WDPCP: variants seen among roughly 807,000 people sequenced by gnomAD.
WDPCP encodes the protein WD repeat containing planar cell polarity effector, also known as WD repeat-containing and planar cell polarity effector protein fritz homolog.
Under a neutral mutation model 93.1 loss-of-function variants are expected in WDPCP, and 71 were observed. That is an observed-to-expected ratio of 0.76 (90% CI 0.63 to 0.93). The LOEUF (loss-of-function observed/expected upper bound fraction) is 0.93. Among genes scored for constraint, WDPCP ranks in the 40% least tolerant of loss-of-function variants. The pLI is 0.00. For synonymous variants in WDPCP, 315 were observed against 315.0 expected (o/e 1.00, Z 0.00); for missense variants, 844 against 887.4 (o/e 0.95, Z 0.62).
rs534152240 is a variant in WDPCP at position 63,248,012 on chromosome 2, C to T, written c.1915+11295G>A. 1.2e-4 allele frequency among the ~76,000 whole-genome samples: 19 copies of T among 152,092 alleles called. No homozygotes were observed. The South Asian group carries it at 3.5e-3, about 28-fold the overall frequency. ...CTAATTTAAATTGATATCAAGTTAA[C>T]CTCAAGTGTATACAAAAACTCTTAT... On this transcript the variant is annotated intron_variant, in intron 14 of 17. Coordinates refer to ENST00000272321, the MANE Select transcript of WDPCP (RefSeq NM_015910.7).
intron 9 of WDPCP, among the ~76,000 whole-genome samples, chr2:63,420,280 G>A (rs982576849): frequency 4.0e-5 from 6 of 149,614 alleles, no homozygotes; most frequent in African/African-American, 1.5e-4. Flanking sequence ...CCCAACACTT[G>A]GGGAGGCCAA....
chr2:63,463,685 C>T (rs141099704), intron 6 of WDPCP, among the ~76,000 whole-genome samples: 1 of 152,254 alleles, frequency 6.6e-6, no homozygotes, highest in African/African-American at 2.4e-5. Context: ...AATAAATCCT[C>T]ACATAAATGG....
intron 2 of WDPCP, among the ~76,000 whole-genome samples, chr2:63,759,146 G>C (rs901668924): frequency 6.6e-6 from 1 of 152,120 alleles, no homozygotes; most frequent in Non-Finnish European, 1.5e-5. Flanking sequence ...TGGGAAGGCA[G>C]GGGTGGAGTT....
intron 1 of WDPCP, among the ~76,000 whole-genome samples, chr2:63,581,074 A>T (rs1708465328): frequency 6.6e-6 from 1 of 152,208 alleles, no homozygotes; most frequent in Admixed American, 6.5e-5. Context: ...AAGACTAAAA[A>T]AAATAGCTGA....
intron 2 of WDPCP, among the ~76,000 whole-genome samples, chr2:63,808,245 CAT>C (rs1451610270): frequency 6.6e-6 from 1 of 152,082 alleles, no homozygotes; most frequent in Non-Finnish European, 1.5e-5. Flanking sequence ...AATTATAAAA[CAT>C]AGAGAACATT....
At chr2:63,496,449 C>A (rs1160987430) in intron 1 of WDPCP, among the ~76,000 whole-genome samples, 1 of 152,130 alleles carries the variant, frequency 6.6e-6, no homozygotes, top group African/African-American at 2.4e-5. Flanking sequence ...GTTTGAAAGT[C>A]CTAAATTAAT....
At chr2:63,600,043 G>A (rs1205519439) in intron 3 of WDPCP, 1 of 152,122 alleles carries the variant, frequency 6.6e-6, no homozygotes, top group Non-Finnish European at 1.5e-5. Context: ...TTGTCTGTAG[G>A]TCATCACTGC....
chr2:63,175,616 A>G (rs1330580199), intron 14 of WDPCP, among the ~76,000 whole-genome samples: 1 of 152,192 alleles, frequency 6.6e-6, no homozygotes, highest in African/African-American at 2.4e-5. Flanking sequence ...CAGTTTGATA[A>G]CCAACGTGTT....
At position 63,342,654 on chromosome 2, in the gene WDPCP, C is replaced by G. The variant is rs1173877490; in HGVS notation, c.1749-29343G>C. Among the ~76,000 whole-genome samples, 5 of 152,300 alleles carry G rather than the reference C, an allele frequency of 3.3e-5. No individual in the cohort carries two copies. The East Asian group carries it at 9.6e-4, about 29-fold the overall frequency. On this transcript the variant is annotated intron_variant, in intron 12 of 17. Coordinates refer to ENST00000272321, the MANE Select transcript of WDPCP (RefSeq NM_015910.7). ...ATACTTTGCTTCTCTATAGCTCTAT[C>G]TACCCTGTTATTATTGTCATAAATT...
At chr2:63,631,065 G>A (rs1709860290) in intron 3 of WDPCP, among the ~76,000 whole-genome samples, 1 of 152,144 alleles carries the variant, frequency 6.6e-6, no homozygotes, top group Admixed American at 6.5e-5. Context: ...TGGAACACCT[G>A]AGGTAAGGAG....
chr2:63,618,670 G>T (rs1413643152), intron 3 of WDPCP, among the ~76,000 whole-genome samples: 1 of 151,632 alleles, frequency 6.6e-6, no homozygotes, highest in African/African-American at 2.4e-5. Flanking sequence ...TTGATAGAAG[G>T]ATAGAAGTGG....
At chr2:63,688,526 ATAGT>A (rs1415625211) in intron 2 of WDPCP, among the ~76,000 whole-genome samples, 1 of 65,082 alleles carries the variant, frequency 1.5e-5, no homozygotes, top group East Asian at 2.7e-4. Flanking sequence ...GGGGAGAGAA[ATAGT>A]TAGAAAGAAT....
chr2:63,611,268 T>C (rs1030968536), intron 3 of WDPCP, among the ~76,000 whole-genome samples: 7 of 152,368 alleles, frequency 4.6e-5, no homozygotes, highest in African/African-American at 1.7e-4. Flanking sequence ...TGGACTATTT[T>C]TGTAAGTTGG....
intron 15 of WDPCP, 33 bp downstream of exon 15, chr2:63,174,637 A>C: frequency 2.5e-6 from 4 of 1,612,630 alleles, no homozygotes; most frequent in Non-Finnish European, 3.4e-6. Context: ...TAAATACTTT[A>C]TGGAGCAATT....
chr2:63,770,711 T>C (rs1156783116), intron 2 of WDPCP, among the ~76,000 whole-genome samples: 4 of 151,938 alleles, frequency 2.6e-5, no homozygotes, highest in Admixed American at 2.6e-4. Flanking sequence ...TTTATAACAA[T>C]AATAATATGT....
chr2:63,296,194 A>G (rs1426014688), intron 13 of WDPCP, among the ~76,000 whole-genome samples: 1 of 142,988 alleles, frequency 7.0e-6, no homozygotes, highest in Non-Finnish European at 1.5e-5. Flanking sequence ...AAACCATATG[A>G]TCATCTCAGT....
chr2:63,745,381 A>G (rs185280912), intron 2 of WDPCP, among the ~76,000 whole-genome samples: 2 of 152,222 alleles, frequency 1.3e-5, no homozygotes, highest in Non-Finnish European at 2.9e-5. Flanking sequence ...GATCGTATCA[A>G]CTGGCAATGC....
chr2:63,739,956 G>A (rs1669690787), intron 2 of WDPCP, among the ~76,000 whole-genome samples: 1 of 151,548 alleles, frequency 6.6e-6, no homozygotes, highest in Non-Finnish European at 1.5e-5. Flanking sequence ...ATTTAACATG[G>A]TTAATAAACA....
At chr2:63,176,301 A>G (rs1673797397) in intron 14 of WDPCP, among the ~76,000 whole-genome samples, 1 of 152,138 alleles carries the variant, frequency 6.6e-6, no homozygotes, top group Non-Finnish European at 1.5e-5. Flanking sequence ...GCTGGAGTGC[A>G]GTATCACAAT....
Sources: gnomAD v4.1 joint callset for allele counts (sites outside exome capture counted in the v4.1 genomes callset) on GRCh38, gnomAD v4.1.1 for gene constraint, MANE v1.5 for transcripts, NCBI Gene and HGNC (gene_info 2026-07-23, HGNC 2026-07-21) for gene names.